The following FMNL1 variants were observed in gnomAD, a reference collection of about 807,000 sequenced individuals.
FMNL1 encodes formin-like protein 1.
In FMNL1, 43 loss-of-function variants were observed where a neutral mutation model predicts 121.3. The ratio of observed to expected loss-of-function variants is 0.35; its 90% CI spans 0.28 to 0.46. FMNL1 has a LOEUF of 0.46. FMNL1 is among the 20% of genes least tolerant of loss of function. The probability of loss-of-function intolerance (pLI) is 1.00; values close to 1 mark genes in which losing one functional copy is unlikely to be tolerated. For synonymous variants in FMNL1, 613 were observed against 613.5 expected, an observed-to-expected ratio of 1.00 and a Z score of 0.01; for missense variants, 1,191 against 1,482.4, an observed-to-expected ratio of 0.80 and a Z score of 3.23.
intron 2 of FMNL1, among the ~76,000 whole-genome samples, chr17:45,232,091 T>C (rs1442948113): frequency 1.3e-5 from 2 of 152,076 alleles, no homozygotes; most frequent in Non-Finnish European, 2.9e-5. Flanking sequence ...GGAGGATCGC[T>C]TGAGCCCGGG....
chr17:45,236,120 T>C lies in FMNL1; in HGVS notation c.615-16T>C. ...GCTCACTCTGACTCCTGCTGCCTCCTCCACACCCCGCCCAGGCTGACCCCA... is the reference window on the plus strand; with the variant it reads ...GCTCACTCTGACTCCTGCTGCCTCCCCCACACCCCGCCCAGGCTGACCCCA... On this transcript the variant is annotated splice_polypyrimidine_tract_variant and intron_variant, in intron 6 of 26. Coordinates refer to ENST00000331495, the MANE Select transcript of FMNL1 (RefSeq NM_005892.4). The C allele has an allele frequency of 6.2e-7, 1 of 1,606,376 alleles. No individual in the cohort carries two copies. Among genetic ancestry groups the C allele is most frequent in the African/African-American group, 1.3e-5 (1 of 74,980 alleles).
At position 45,231,992 on chromosome 17, in the gene FMNL1, G is replaced by A. The variant is rs1464089219; in HGVS notation, c.214-375G>A. On this transcript the variant is annotated intron_variant, in intron 2 of 26. Coordinates refer to ENST00000331495, the MANE Select transcript of FMNL1 (RefSeq NM_005892.4). The surrounding 1 kb of genome is among the most constrained non-coding windows in gnomAD (Gnocchi z 4.7). ...AGCCCATACAGGAAGGGCAGGCTAG[G>A]CCTAGGCCAGGGGTTTTTAAAGTGG... is the stretch of plus-strand genomic sequence containing the variant. Among the ~76,000 whole-genome samples the A allele has an allele frequency of 2.0e-5, 3 of 152,148 alleles. No homozygotes were observed. The highest frequency in any genetic ancestry group is 2.0e-4 in the Admixed American group (3 of 15,288).
chr17:45,238,811 G>C, intron 10 of FMNL1, 144 bp from the exon 11 acceptor site: 2 of 1,067,166 alleles, frequency 1.9e-6, no homozygotes, highest in Non-Finnish European at 1.4e-6. Flanking sequence ...GGAACATGGA[G>C]GTGAAATGTT....
intron 1 of FMNL1, among the ~76,000 whole-genome samples, chr17:45,230,363 G>A (rs2043413921): frequency 6.6e-6 from 1 of 152,292 alleles, no homozygotes; most frequent in South Asian, 2.1e-4. Flanking sequence ...GTGACACAGC[G>A]CAGGCAGACT....
chr17:45,239,934 T>C (rs1373120676), intron 11 of FMNL1, among the ~76,000 whole-genome samples: 1 of 151,920 alleles, frequency 6.6e-6, no homozygotes, highest in Non-Finnish European at 1.5e-5. Flanking sequence ...GGATTATAGG[T>C]GCCCACCACC....
chr17:45,226,047 C>T (rs1456965351), intron 1 of FMNL1, among the ~76,000 whole-genome samples: 2 of 152,116 alleles, frequency 1.3e-5, no homozygotes. Flanking sequence ...CCTGTCCCCT[C>T]CCTCCACCTC....
intron 1 of FMNL1, among the ~76,000 whole-genome samples, chr17:45,225,388 G>T (rs1598177409): frequency 6.6e-6 from 1 of 152,336 alleles, no homozygotes; most frequent in East Asian, 1.9e-4. Context: ...GATGAAGTGT[G>T]GGGACCTGGA....
chr17:45,226,332 A>C (rs888241570), intron 1 of FMNL1, among the ~76,000 whole-genome samples: 2 of 152,192 alleles, frequency 1.3e-5, no homozygotes, highest in African/African-American at 4.8e-5. Flanking sequence ...GGGGTTCCCC[A>C]GTGAGTAAGA....
In FMNL1 at chr17:45,221,979, C is replaced by A; in HGVS notation, c.-146C>A. ...GCTCCGGCCCCTGCGCGCCGCTGAGCCGAGCGCCCCCCGCTGCCGAGACCC... is the reference window on the plus strand; with the variant it reads ...GCTCCGGCCCCTGCGCGCCGCTGAGACGAGCGCCCCCCGCTGCCGAGACCC... On this transcript the variant is annotated 5_prime_UTR_variant, in exon 1 of 27. Coordinates refer to ENST00000331495, the MANE Select transcript of FMNL1 (RefSeq NM_005892.4). The A allele has an allele frequency of 1.9e-6, 1 of 539,980 alleles. No homozygotes were observed. Among genetic ancestry groups the A allele is most frequent in the East Asian group, 4.6e-5 (1 of 21,720 alleles). 33.4% of individuals were successfully genotyped at this position (539,980 alleles called of 1,614,324 possible).
intron 1 of FMNL1, among the ~76,000 whole-genome samples, chr17:45,229,280 A>G (rs2043392034): frequency 6.6e-6 from 1 of 152,208 alleles, no homozygotes; most frequent in South Asian, 2.1e-4. Context: ...ATGGAGGCTG[A>G]GCGCACCCAG....
Position 45,241,500 on chromosome 17 carries a change from A to C in FMNL1, c.1451A>C (p.Glu484Ala). 1 of 1,579,932 alleles carries C rather than the reference A, an allele frequency of 6.3e-7. No homozygotes were observed. The highest frequency in any genetic ancestry group is 8.6e-7 in the Non-Finnish European group (1 of 1,163,842). Residue 484 changes from glutamate (E) to alanine (A), a missense_variant, in exon 14 of 27, where the codon GAG becomes GCG. Coordinates refer to ENST00000331495, the MANE Select transcript of FMNL1 (RefSeq NM_005892.4). The surrounding 1 kb of genome is among the most constrained non-coding windows in gnomAD (Gnocchi z 7.0). Reference protein sequence around the residue: ...SALELKVEELEEKGLIRILRG... With the variant: ...SALELKVEELAEKGLIRILRG... ...CTGGAGCTGAAGGTGGAGGAGCTGG[A>C]GGAGAAGGGGTTAATCCGTATTCTG...
intron 1 of FMNL1, among the ~76,000 whole-genome samples, chr17:45,225,820 C>T (rs1232970646): frequency 1.3e-5 from 2 of 152,274 alleles, no homozygotes; most frequent in East Asian, 3.9e-4. Flanking sequence ...CTTAACTTCT[C>T]TGAGCTGTAG....
chr17:45,242,502 G>C (rs1190280971), intron 16 of FMNL1, 37 bp downstream of exon 16: 6 of 1,600,670 alleles, frequency 3.7e-6, no homozygotes, highest in Non-Finnish European at 4.3e-6. Context: ...GTGGGCACCG[G>C]AGGAAGAGGG....
chr17:45,241,882 G>GCGCCAC lies in FMNL1; in HGVS notation c.1626_1631dup (p.Pro546_Pro547dup). 7.0e-7 allele frequency: 1 copy of GCGCCAC among 1,433,610 alleles called. No homozygotes were observed. Among genetic ancestry groups the GCGCCAC allele is most frequent in the Non-Finnish European group, 9.1e-7 (1 of 1,102,374 alleles). The allele number at this position is 1,433,610 out of a possible 1,614,324, so 88.8% of individuals were successfully genotyped here. A position where few individuals can be genotyped will look rare whatever the true frequency, so the allele number is the denominator to read the frequency against. Reference sequence around the variant, plus strand: ...TGCAGCAGAGCCGGCTCCCGGAGCAGCGCCACCGCCGCCGCCCCCACTGCC... The same window carrying GCGCCAC: ...TGCAGCAGAGCCGGCTCCCGGAGCAGCGCCACCGCCACCGCCGCCGCCCCCACTGCC... On this transcript the variant is annotated inframe_insertion, in exon 15 of 27. Transcript: ENST00000331495. The surrounding 1 kb of genome is among the most constrained non-coding windows in gnomAD (Gnocchi z 7.0).
Position 45,245,703 on chromosome 17 carries a change from C to T in FMNL1, c.2964C>T (p.Ser988=). ...PKTTSPGLFF[S]LFSRFIKAYK... ...CCACATCCCCAGGCCTGTTCTTCTC[C>T]CTCTTTAGCCGCTTCATTAAGGCCT... is the stretch of plus-strand genomic sequence containing the variant. Residue 988 remains serine (S), a synonymous_variant, in exon 23 of 27, where the codon TCC becomes TCT. Coordinates refer to ENST00000331495, the MANE Select transcript of FMNL1 (RefSeq NM_005892.4). The T allele has an allele frequency of 6.2e-7, 1 of 1,614,134 alleles. No homozygotes were observed. Among genetic ancestry groups the T allele is most frequent in the Non-Finnish European group, 8.5e-7 (1 of 1,179,988 alleles).
chr17:45,237,970 C>T lies in FMNL1; in HGVS notation c.894+331C>T, dbSNP rs2043589175. 6.9e-6 allele frequency: 2 copies of T among 291,080 alleles called. No individual in the cohort carries two copies. Among genetic ancestry groups the T allele is most frequent in the South Asian group, 8.9e-5 (2 of 22,532 alleles). 18.0% of individuals were successfully genotyped at this position (291,080 alleles called of 1,614,324 possible). On this transcript the variant is annotated intron_variant, in intron 9 of 26. Transcript: ENST00000331495. This position sits in a 1 kb window ranked among gnomAD's most constrained non-coding sequence, Gnocchi z 4.4. ...TTGCGGACTCTGGCTAACAGGCTTG[C>T]AAGAAGTAGATGTGTGGGGCTGCAT...
chr17:45,227,765 C>T (rs1357240406), intron 1 of FMNL1, among the ~76,000 whole-genome samples: 5 of 152,214 alleles, frequency 3.3e-5, no homozygotes, highest in African/African-American at 4.8e-5. Flanking sequence ...CCAAACTCAG[C>T]TTCTCACTGA....
chr17:45,230,606 C>A lies in FMNL1; in HGVS notation c.132C>A (p.Asn44Lys), dbSNP rs771544630. The A allele has an allele frequency of 8.1e-6, 13 of 1,613,834 alleles. No individual in the cohort carries two copies. The highest frequency in any genetic ancestry group is 1.1e-5 in the Non-Finnish European group (13 of 1,179,832). The change falls in exon 2 of 27, where the codon AAC (asparagine) becomes AAA (lysine). Residue 44 changes from asparagine (N) to lysine (K), a missense_variant and splice_region_variant. Physicochemically the swap from Asn to Lys is moderately conservative, Grantham distance 94. Around this residue, in one of 4 missense-constraint regions of FMNL1, gnomAD observed 253 missense variants for 417.5 expected, o/e 0.61. Transcript: ENST00000331495. ...GTCTTTGTCCTCCCTGTCCCCAGAA[C>A]TGCATGAACTTGCCCCCAGACAAGG... is the stretch of plus-strand genomic sequence containing the variant. ...ELEERFNRAL[N>K]CMNLPPDKVQ...
chr17:45,241,375 T>C lies in FMNL1; in HGVS notation c.1333-7T>C, dbSNP rs942100763. ...GTGGGCACTGACCCCTCCCGTGGGG[T>C]TCGTAGGAGCGCTTCAGCGAATCGA... is the stretch of plus-strand genomic sequence containing the variant. On this transcript the variant is annotated splice_region_variant and splice_polypyrimidine_tract_variant and intron_variant, in intron 13 of 26. Transcript: ENST00000331495. The surrounding 1 kb of genome is among the most constrained non-coding windows in gnomAD (Gnocchi z 7.0). 1.3e-6 allele frequency: 2 copies of C among 1,574,030 alleles called. No individual in the cohort carries two copies. Among genetic ancestry groups the C allele is most frequent in the African/African-American group, 2.7e-5 (2 of 73,604 alleles).
Sources: allele counts gnomAD v4.1 joint callset (sites outside exome capture counted in the v4.1 genomes callset), GRCh38; gene constraint gnomAD v4.1.1; regional missense constraint gnomAD v4.1.1; non-coding constraint Gnocchi (gnomAD v3.1); transcripts MANE v1.5; gene names NCBI Gene and HGNC (gene_info 2026-07-23, HGNC 2026-07-21).